CELF2: variants seen among roughly 807,000 people sequenced by gnomAD.
The protein encoded by CELF2 is CUG triplet repeat RNA-binding protein 2.
A neutral mutation model predicts 62.6 loss-of-function variants in CELF2; 8 were observed. That is an observed-to-expected ratio of 0.13 (90% CI 0.07 to 0.23). The LOEUF (loss-of-function observed/expected upper bound fraction) is 0.23, where lower values mean the gene tolerates loss of function less well. Ranked by LOEUF, CELF2 falls within the 10% of genes least tolerant of loss-of-function variation. The pLI, the probability that CELF2 is intolerant of heterozygous loss-of-function variation, is 1.00. For missense variants in CELF2, 333 were observed against 671.0 expected (o/e 0.50, Z 5.56); for synonymous variants, 258 against 250.0 (o/e 1.03, Z -0.30).
At chr10:11,240,969 T>G (rs2073665440) in intron 3 of CELF2, among the ~76,000 whole-genome samples, 1 of 152,116 alleles carries the variant, frequency 6.6e-6, no homozygotes, top group Non-Finnish European at 1.5e-5. Context: ...GCCACCTGCT[T>G]GCTGTCTGAC....
the CELF2 span, among the ~76,000 whole-genome samples, chr10:10,665,887 C>A: frequency 2.6e-5 from 4 of 152,096 alleles, no homozygotes; most frequent in Non-Finnish European, 5.9e-5. Context: ...CAAGCCTATC[C>A]CATACAATCA....
the CELF2 span, among the ~76,000 whole-genome samples, chr10:10,645,615 C>T: frequency 6.6e-6 from 1 of 152,154 alleles, no homozygotes; most frequent in Non-Finnish European, 1.5e-5. Context: ...CATTGCACCA[C>T]CGCACTTCAG....
intron 1 of CELF2, among the ~76,000 whole-genome samples, chr10:10,843,969 G>A (rs1025969445): frequency 6.6e-6 from 1 of 151,876 alleles, no homozygotes; most frequent in Admixed American, 6.6e-5. Context: ...TTGTGGAAGG[G>A]AATCATGAAT....
At chr10:10,705,177 C>T in the CELF2 span, among the ~76,000 whole-genome samples, 6 of 152,060 alleles carry the variant, frequency 3.9e-5, no homozygotes, top group Non-Finnish European at 5.9e-5. Context: ...CAGAGCTAGA[C>T]CTTAACTCTA....
rs534367676 is a variant in CELF2, at chr10:10,948,549, T to A, written c.89+28550T>A. 4 of 152,316 alleles carry A rather than the reference T, an allele frequency of 2.6e-5. No homozygotes were observed. In the South Asian group the frequency reaches 8.3e-4, roughly 32 times the overall value. 9.4% of individuals were successfully genotyped at this position (152,316 alleles called of 1,614,324 possible). The stretch of plus-strand genomic sequence containing the variant: ...TTTATATAAATTTGTGGGCTTCAAT[T>A]TAACCTTTGGCTAAATTGGTTGTTT... On this transcript the variant is annotated intron_variant, in intron 2 of 13. Coordinates refer to the CELF2 transcript ENST00000636488.
At chr10:10,616,295 G>GGGGGTGT in the CELF2 span, among the ~76,000 whole-genome samples, 1 of 143,866 alleles carries the variant, frequency 7.0e-6, no homozygotes, top group Non-Finnish European at 1.5e-5. Context: ...TTTTGTTTGG[G>GGGGGTGT]GTGTGTGTGT....
chr10:10,664,193 C>T, the CELF2 span, among the ~76,000 whole-genome samples: 4 of 152,026 alleles, frequency 2.6e-5, no homozygotes, highest in Non-Finnish European at 5.9e-5. Flanking sequence ...AAATAATAGG[C>T]ATATCAATAT....
chr10:11,264,998 A>C (rs1329217632), intron 5 of CELF2, among the ~76,000 whole-genome samples: 1 of 152,246 alleles, frequency 6.6e-6, no homozygotes, highest in East Asian at 1.9e-4. Context: ...CAAACAAAAA[A>C]TGCATTGACT....
intron 2 of CELF2, among the ~76,000 whole-genome samples, chr10:10,935,717 A>T (rs532761871): frequency 6.6e-6 from 1 of 152,352 alleles, no homozygotes; most frequent in Non-Finnish European, 1.5e-5. Context: ...GCAAGATGGT[A>T]TCACATTGAT....
chr10:11,091,407 T>C (rs534272104), intron 1 of CELF2, among the ~76,000 whole-genome samples: 1 of 152,228 alleles, frequency 6.6e-6, no homozygotes, highest in East Asian at 1.9e-4. Context: ...TGTTCTGGGC[T>C]TGAGAAAATA....
the CELF2 span, among the ~76,000 whole-genome samples, chr10:10,668,732 G>A: frequency 5.9e-3 from 894 of 152,140 alleles, 2 homozygotes; most frequent in Non-Finnish European, 8.3e-3. Context: ...CCGAGGTGGG[G>A]GAATCACTTG....
chr10:10,795,239 CTTTT>C (rs10551602), upstream of CELF2, among the ~76,000 whole-genome samples: 1 of 134,724 alleles, frequency 7.4e-6, no homozygotes, highest in Non-Finnish European at 1.6e-5. Context: ...ATGGATTCAA[CTTTT>C]TTTTTTTTTT....
chr10:10,600,672 G>A, the CELF2 span, among the ~76,000 whole-genome samples: 398 of 152,300 alleles, frequency 2.6e-3, 3 homozygotes, highest in Non-Finnish European at 3.7e-3. Context: ...GTAAAGCAGG[G>A]AGTGGGGAGG....
intron 9 of CELF2, among the ~76,000 whole-genome samples, chr10:11,307,988 G>T (rs2094349826): frequency 6.6e-6 from 1 of 152,204 alleles, no homozygotes; most frequent in Non-Finnish European, 1.5e-5. Context: ...AGTGCAAGCT[G>T]CAGAGACTAA....
intron 1 of CELF2, chr10:11,092,308 A>G (rs2048532787): frequency 6.6e-6 from 1 of 152,200 alleles, no homozygotes; most frequent in Admixed American, 6.5e-5. Flanking sequence ...TTATTAGAAT[A>G]ATGATGGTGA....
the CELF2 span, among the ~76,000 whole-genome samples, chr10:10,538,747 A>C: frequency 1.3e-5 from 2 of 152,240 alleles, no homozygotes; most frequent in Non-Finnish European, 2.9e-5. Flanking sequence ...GGAAAGGAGA[A>C]ACATCAAGGA....
chr10:10,998,226 T>C (rs183331532), intron 2 of CELF2, among the ~76,000 whole-genome samples: 2 of 152,346 alleles, frequency 1.3e-5, no homozygotes, highest in East Asian at 3.9e-4. Context: ...CTGAGTTATC[T>C]TTCTAGAGCC....
the CELF2 span, among the ~76,000 whole-genome samples, chr10:10,516,462 C>G: frequency 6.6e-6 from 1 of 152,130 alleles, no homozygotes; most frequent in Non-Finnish European, 1.5e-5. Flanking sequence ...CATTCATCAT[C>G]TTAAAATTCT....
At chr10:10,696,904 C>A in the CELF2 span, among the ~76,000 whole-genome samples, 2 of 152,310 alleles carry the variant, frequency 1.3e-5, no homozygotes, top group Admixed American at 1.3e-4. Flanking sequence ...GTGAGATGAA[C>A]CCGGTACCTC....
Sources: gnomAD v4.1 joint callset for allele counts (sites outside exome capture counted in the v4.1 genomes callset) on GRCh38, gnomAD v4.1.1 for gene constraint, MANE v1.5 for transcripts, NCBI Gene and HGNC (gene_info 2026-07-23, HGNC 2026-07-21) for gene names.